TRDN: variants seen among roughly 807,000 people sequenced by gnomAD.
TRDN encodes triadin.
A neutral mutation model predicts 149.7 loss-of-function variants in TRDN; 161 were observed. That is an observed-to-expected ratio of 1.08 (90% CI 0.95 to 1.23). The LOEUF (loss-of-function observed/expected upper bound fraction) is 1.23. Ranked by LOEUF, TRDN falls within the 50% of genes most tolerant of loss-of-function variation. TRDN has a pLI of 0.00. For missense variants in TRDN, 896 were observed against 823.5 expected, an observed-to-expected ratio of 1.09 and a Z score of -1.08; for synonymous variants, 294 against 250.5, an observed-to-expected ratio of 1.17 and a Z score of -1.64.
Position 123,512,417 on chromosome 6 carries a change from CT to C in TRDN, c.551-56del. On this transcript the variant is annotated intron_variant, in intron 6 of 40. Transcript: ENST00000334268. ...ATTTTTAATAGATTTCAAAACCAAG[CT>C]TTCTTTTGACCTCAGTTTCATAAGT... The C allele has an allele frequency of 2.7e-6, 3 of 1,100,524 alleles. No individual in the cohort carries two copies. The South Asian group carries it at 4.6e-5, about 17-fold the overall frequency. The allele number at this position is 1,100,524 out of a possible 1,614,324, so 68.2% of individuals were successfully genotyped here.
Position 123,264,021 on chromosome 6 carries a change from T to C in TRDN, c.1804+1297A>G, listed in dbSNP as rs76391140. ...GCACCTGGTCACTCAAGAGCTCTAATGGAGCTGTACGAGGAGATTAATATT... is the reference window on the plus strand; with the variant it reads ...GCACCTGGTCACTCAAGAGCTCTAACGGAGCTGTACGAGGAGATTAATATT... On this transcript the variant is annotated intron_variant, in intron 33 of 40. Coordinates refer to ENST00000334268, the MANE Select transcript of TRDN (RefSeq NM_006073.4). 8.3e-3 allele frequency among the ~76,000 whole-genome samples: 1,257 copies of C among 152,170 alleles called. 26 individuals carry two copies. The highest frequency in any genetic ancestry group is 0.079 in the East Asian group (407 of 5,170).
intron 38 of TRDN, among the ~76,000 whole-genome samples, chr6:123,241,720 A>G (rs1178644982): frequency 6.6e-6 from 1 of 152,066 alleles, no homozygotes; most frequent in East Asian, 1.9e-4. Context: ...AAAAGACTAA[A>G]TTTATTATTA....
At chr6:123,339,990 T>C (rs1175802342) in intron 21 of TRDN, among the ~76,000 whole-genome samples, 1 of 152,184 alleles carries the variant, frequency 6.6e-6, no homozygotes, top group Non-Finnish European at 1.5e-5. Context: ...CTATTCATTT[T>C]GAAAATAATA....
chr6:123,345,246 T>C (rs1171077938), intron 21 of TRDN, among the ~76,000 whole-genome samples: 2 of 151,918 alleles, frequency 1.3e-5, no homozygotes, highest in Non-Finnish European at 2.9e-5. Context: ...TTTTTGAGGG[T>C]TTTTTGTTTT....
At chr6:123,508,059 A>C (rs1762428543) in intron 7 of TRDN, among the ~76,000 whole-genome samples, 1 of 152,062 alleles carries the variant, frequency 6.6e-6, no homozygotes, top group South Asian at 2.1e-4. Context: ...AGTAACACTG[A>C]GCAAAATAAC....
intron 24 of TRDN, among the ~76,000 whole-genome samples, chr6:123,304,620 G>GT (rs1241281083): frequency 6.6e-6 from 1 of 152,014 alleles, no homozygotes; most frequent in Non-Finnish European, 1.5e-5. Context: ...TTATAAACAT[G>GT]TTTTTTCTCT....
rs1300568465 is a variant in TRDN at position 123,382,196 on chromosome 6, C to T, written c.1136-49G>A. ...TAATAAAACAGATACAATAAATCAA[C>T]AGCTGATCAGCTCACAACAAATTTC... On this transcript the variant is annotated intron_variant, in intron 14 of 40. Coordinates refer to ENST00000334268, the MANE Select transcript of TRDN (RefSeq NM_006073.4). 3 of 1,273,734 alleles carry T rather than the reference C, an allele frequency of 2.4e-6. No individual in the cohort carries two copies. In the African/African-American group the frequency reaches 4.7e-5, roughly 20 times the overall value. 78.9% of individuals were successfully genotyped at this position (1,273,734 alleles called of 1,614,324 possible).
chr6:123,622,344 CACAG>C (rs34056304), intron 1 of TRDN, among the ~76,000 whole-genome samples: 5,015 of 73,322 alleles, frequency 0.068, 240 homozygotes, highest in African/African-American at 0.2. Context: ...CACACACACA[CACAG>C]GCACACGCAC....
rs2114858971 is a variant in TRDN at position 123,512,302 on chromosome 6, C to A, written c.610+1G>T. The A allele has an allele frequency of 1.4e-6, 2 of 1,455,470 alleles. No homozygotes were observed. Among genetic ancestry groups the A allele is most frequent in the Non-Finnish European group, 1.9e-6 (2 of 1,059,470 alleles). The allele number at this position is 1,455,470 out of a possible 1,614,324, so 90.2% of individuals were successfully genotyped here. ...ATGGAAATAATAAATTGAAAAGTTACCTTTCGCCAGTGTCTTTGTTTCTGG... is the reference window on the plus strand; with the variant it reads ...ATGGAAATAATAAATTGAAAAGTTAACTTTCGCCAGTGTCTTTGTTTCTGG... On this transcript the variant is annotated splice_donor_variant, in intron 7 of 40. Transcript: ENST00000334268. LOFTEE classifies it high-confidence loss of function.
intron 10 of TRDN, among the ~76,000 whole-genome samples, chr6:123,459,330 G>T (rs372355652): frequency 6.6e-6 from 1 of 152,150 alleles, no homozygotes; most frequent in African/African-American, 2.4e-5. Context: ...AATACAGTAA[G>T]ACAAAGAGAG....
chr6:123,559,363 T>A (rs555310647), intron 2 of TRDN, among the ~76,000 whole-genome samples: 23 of 152,248 alleles, frequency 1.5e-4, no homozygotes, highest in African/African-American at 5.1e-4. Flanking sequence ...CTTTTAATTA[T>A]CCCCACCTGC....
intron 38 of TRDN, among the ~76,000 whole-genome samples, chr6:123,250,516 T>C (rs1240039870): frequency 6.6e-6 from 1 of 152,060 alleles, no homozygotes; most frequent in African/African-American, 2.4e-5. Flanking sequence ...AGACAGTTTT[T>C]TGATGATTGC....
intron 9 of TRDN, among the ~76,000 whole-genome samples, chr6:123,495,441 C>G (rs552043981): frequency 1.3e-5 from 2 of 152,004 alleles, no homozygotes; most frequent in African/African-American, 4.8e-5. Context: ...ATCGCTTGAA[C>G]CCAGGAGGCA....
At chr6:123,551,406 T>C (rs1305118272) in intron 2 of TRDN, among the ~76,000 whole-genome samples, 1 of 150,780 alleles carries the variant, frequency 6.6e-6, no homozygotes, top group African/African-American at 2.4e-5. Flanking sequence ...GTCCTGAAGT[T>C]GATTCTTATT....
intron 12 of TRDN, among the ~76,000 whole-genome samples, chr6:123,432,461 A>C (rs9482384): frequency 0.3 from 46,194 of 151,614 alleles, 7,579 homozygotes; most frequent in African/African-American, 0.42. Context: ...GTTTTCACCA[A>C]ATACTCATCA....
intron 8 of TRDN, 158 bp downstream of exon 8, chr6:123,503,561 C>T (rs557083225): frequency 1.4e-6 from 2 of 1,435,550 alleles, no homozygotes; most frequent in African/African-American, 1.4e-5. Flanking sequence ...TATTAATTCC[C>T]AATTTACTGT....
intron 39 of TRDN, among the ~76,000 whole-genome samples, chr6:123,222,503 T>C (rs1775185898): frequency 1.3e-5 from 2 of 151,356 alleles, no homozygotes; most frequent in Admixed American, 6.6e-5. Flanking sequence ...AAAATATATA[T>C]ATAAAATATA....
intron 1 of TRDN, among the ~76,000 whole-genome samples, chr6:123,636,251 A>G (rs1235034335): frequency 6.6e-6 from 1 of 151,990 alleles, no homozygotes; most frequent in African/African-American, 2.4e-5. Context: ...TGTGTTTTAC[A>G]TACCCTAGTA....
rs75557543 is a variant in TRDN at position 123,259,763 on chromosome 6, G to A, written c.1832-101C>T. ...TTGGAGATGAGACTTAATCTTATGAGTGGAGGGAGTCAGGGCTCTCTCATT... is the reference window on the plus strand; with the variant it reads ...TTGGAGATGAGACTTAATCTTATGAATGGAGGGAGTCAGGGCTCTCTCATT... On this transcript the variant is annotated intron_variant, in intron 34 of 40. Coordinates refer to ENST00000334268, the MANE Select transcript of TRDN (RefSeq NM_006073.4). 1,140 of 783,338 alleles carry A rather than the reference G, an allele frequency of 1.5e-3. 17 individuals carry two copies. In the East Asian group the frequency reaches 0.025, roughly 17 times the overall value. The allele number at this position is 783,338 out of a possible 1,614,324, so 48.5% of individuals were successfully genotyped here. A position where few individuals can be genotyped will look rare whatever the true frequency, so the allele number is the denominator to read the frequency against.
Sources: allele counts gnomAD v4.1 joint callset (sites outside exome capture counted in the v4.1 genomes callset), GRCh38; gene constraint gnomAD v4.1.1; transcripts MANE v1.5; gene names NCBI Gene and HGNC (gene_info 2026-07-23, HGNC 2026-07-21).